Variants in IPO8 observed in about 807,000 individuals in gnomAD.
IPO8 encodes the protein importin 8.
IPO8 carries 65 observed loss-of-function variants against 141.2 expected under a neutral mutation model. The ratio of observed to expected loss-of-function variants is 0.46; its 90% CI spans 0.38 to 0.57. IPO8 has a LOEUF of 0.57. Ranked by LOEUF, IPO8 falls within the 20% of genes least tolerant of loss-of-function variation. The pLI is 0.00. For missense variants in IPO8, 980 were observed against 1,246.8 expected (o/e 0.79, Z 3.22); for synonymous variants, 411 against 420.3 (o/e 0.98, Z 0.27).
chr12:30,641,493 C>CTTTTTTTTTTTTTTTTT (rs58656525), intron 20 of IPO8, among the ~76,000 whole-genome samples: 2 of 135,050 alleles, frequency 1.5e-5, no homozygotes, highest in Non-Finnish European at 3.2e-5. Context: ...TAAGCTATTT[C>CTTTTTTTTTTTTTTTTT]TTTTTTTTTT....
Position 30,695,176 on chromosome 12 carries a change from G to A in IPO8, c.84+388C>T, listed in dbSNP as rs2053326326. 1 of 384,716 alleles carries A rather than the reference G, an allele frequency of 2.6e-6. No individual in the cohort carries two copies. The highest frequency in any genetic ancestry group is 2.1e-5 in the South Asian group (1 of 48,618). 23.8% of individuals were successfully genotyped at this position (384,716 alleles called of 1,614,324 possible). The stretch of plus-strand genomic sequence containing the variant: ...AAAGGGCTGGGTTTGGAAAAAAGCT[G>A]AACTCAGATTTGAACTGTAAGTAAA... On this transcript the variant is annotated intron_variant, in intron 1 of 24. Transcript: ENST00000256079. The surrounding 1 kb of genome is among the most constrained non-coding windows in gnomAD (Gnocchi z 4.2).
intron 10 of IPO8, among the ~76,000 whole-genome samples, chr12:30,666,598 C>T (rs894766618): frequency 1.8e-4 from 28 of 152,106 alleles, no homozygotes; most frequent in Non-Finnish European, 3.5e-4. Context: ...CCATTCTAGA[C>T]CCCGGGGATA....
At chr12:30,681,022 A>G (rs777453400) in intron 4 of IPO8, among the ~76,000 whole-genome samples, 5 of 152,162 alleles carry the variant, frequency 3.3e-5, no homozygotes, top group Non-Finnish European at 7.4e-5. Context: ...TTTTCTTATT[A>G]TATTTCTCCC....
Position 30,639,503 on chromosome 12 carries a change from A to G in IPO8, c.2489+12T>C. On this transcript the variant is annotated intron_variant, in intron 21 of 24. Transcript: ENST00000256079. ...AAACAGAAAAGCAGTGTAAAATCCA[A>G]AAGACACATACCCAAGAAAACAATC... The G allele has an allele frequency of 6.3e-7, 1 of 1,581,768 alleles. No homozygotes were observed. The highest frequency in any genetic ancestry group is 8.7e-7 in the Non-Finnish European group (1 of 1,150,748).
intron 21 of IPO8, among the ~76,000 whole-genome samples, chr12:30,637,481 T>C (rs949926770): frequency 6.6e-6 from 1 of 152,188 alleles, no homozygotes; most frequent in African/African-American, 2.4e-5. Flanking sequence ...GGAGTTTTAA[T>C]AAAGCAGAAA....
chr12:30,662,236 T>C lies in IPO8; in HGVS notation c.1755+91A>G, dbSNP rs748834589. 1.5e-5 allele frequency: 15 copies of C among 984,476 alleles called. No individual in the cohort carries two copies. In the South Asian group the frequency reaches 2.3e-4, roughly 15 times the overall value. The allele number at this position is 984,476 out of a possible 1,614,324, so 61.0% of individuals were successfully genotyped here. A position where few individuals can be genotyped will look rare whatever the true frequency, so the allele number is the denominator to read the frequency against. ...GAAATGTTGTTAAGCAGCACATGAC[T>C]GTACAAATAAAACTGAACTCCATAT... On this transcript the variant is annotated intron_variant, in intron 15 of 24. Coordinates refer to ENST00000256079, the MANE Select transcript of IPO8 (RefSeq NM_006390.4).
chr12:30,639,349 C>A (rs1246541505), intron 21 of IPO8, among the ~76,000 whole-genome samples, 166 bp downstream of exon 21: 1 of 152,136 alleles, frequency 6.6e-6, no homozygotes, highest in Non-Finnish European at 1.5e-5. Flanking sequence ...CACTAGATTA[C>A]CCTGCTGAAA....
Position 30,695,470 on chromosome 12 carries a change from G to C in IPO8, c.84+94C>G. On this transcript the variant is annotated intron_variant, in intron 1 of 24. Transcript: ENST00000256079. This position sits in a 1 kb window ranked among gnomAD's most constrained non-coding sequence, Gnocchi z 4.2. ...TGAGGCGTCAGCCCCAGCCCGGTGGGGGTGAGGACGAGGGGCGCCGGGGAG... is the reference window on the plus strand; with the variant it reads ...TGAGGCGTCAGCCCCAGCCCGGTGGCGGTGAGGACGAGGGGCGCCGGGGAG... The C allele has an allele frequency of 1.8e-6, 2 of 1,104,060 alleles. No individual in the cohort carries two copies. Among genetic ancestry groups the C allele is most frequent in the Non-Finnish European group, 1.4e-6 (1 of 736,660 alleles). 68.4% of individuals were successfully genotyped at this position (1,104,060 alleles called of 1,614,324 possible).
chr12:30,688,537 T>A (rs546289261), intron 2 of IPO8: 1 of 273,556 alleles, frequency 3.7e-6, no homozygotes, highest in African/African-American at 2.3e-5. Context: ...ATGCTAAAGA[T>A]AAATTATCTT....
intron 23 of IPO8, 117 bp from the exon 24 acceptor site, chr12:30,632,128 C>T (rs2052441471): frequency 3.0e-6 from 2 of 663,426 alleles, no homozygotes; most frequent in Non-Finnish European, 5.3e-6. Flanking sequence ...ACAAAGAGTA[C>T]AGTACTACAA....
At chr12:30,646,932 A>G (rs946680917) in intron 20 of IPO8, among the ~76,000 whole-genome samples, 2 of 152,222 alleles carry the variant, frequency 1.3e-5, no homozygotes, top group African/African-American at 4.8e-5. Flanking sequence ...TCACAATCCC[A>G]GCTGGCTAAT....
intron 20 of IPO8, among the ~76,000 whole-genome samples, chr12:30,645,456 T>C (rs914276781): frequency 1.3e-5 from 2 of 149,102 alleles, no homozygotes; most frequent in African/African-American, 2.5e-5. Flanking sequence ...AAATCAATAA[T>C]CTAACCTGTT....
At chr12:30,634,388 G>GA (rs1198534519) in intron 22 of IPO8, 102 bp from the exon 23 acceptor site, 6 of 841,594 alleles carry the variant, frequency 7.1e-6, no homozygotes, top group Non-Finnish European at 1.1e-5. Flanking sequence ...CTCTGGAAAG[G>GA]AAAAAATCTT....
chr12:30,662,530 C>T, intron 14 of IPO8, 43 bp from the exon 15 acceptor site: 1 of 1,484,776 alleles, frequency 6.7e-7, no homozygotes, highest in Non-Finnish European at 9.3e-7. Context: ...ATTACCATGC[C>T]CAGATGATAA....
rs531740285 is a variant in IPO8, at chr12:30,676,646, T to C, written c.640-59A>G. On this transcript the variant is annotated intron_variant, in intron 5 of 24. Transcript: ENST00000256079. Reference sequence around the variant, plus strand: ...CCTCCCATCCAAAAAAATCAGCAATTTTATCTATATTGTAAGGCTAAAATA... The same window carrying C: ...CCTCCCATCCAAAAAAATCAGCAATCTTATCTATATTGTAAGGCTAAAATA... The C allele has an allele frequency of 4.1e-4, 494 of 1,205,518 alleles. 3 individuals carry two copies. In the South Asian group the frequency reaches 5.7e-3, roughly 14 times the overall value. 74.7% of individuals were successfully genotyped at this position (1,205,518 alleles called of 1,614,324 possible). A position where few individuals can be genotyped will look rare whatever the true frequency, so the allele number is the denominator to read the frequency against.
chr12:30,662,975 G>A (rs1264071614), intron 14 of IPO8, among the ~76,000 whole-genome samples: 1 of 152,048 alleles, frequency 6.6e-6, no homozygotes, highest in Non-Finnish European at 1.5e-5. Flanking sequence ...CTACGTTCAC[G>A]TTCTTCATAA....
In IPO8 at chr12:30,685,274, G is replaced by A. The variant is rs61923723; in HGVS notation, c.167-817C>T. Among the ~76,000 whole-genome samples the A allele has an allele frequency of 8.6e-3, 1,301 of 151,756 alleles. 9 individuals are homozygous for A. The highest frequency in any genetic ancestry group is 0.015 in the South Asian group (73 of 4,814). On this transcript the variant is annotated intron_variant, in intron 2 of 24. Transcript: ENST00000256079. The stretch of plus-strand genomic sequence containing the variant: ...CCTGCCTCAGCCTCCCAAATACCTG[G>A]GATTACAGGCATGTGCCACCACACC...
chr12:30,645,372 CAAAA>C (rs776070329), intron 20 of IPO8, among the ~76,000 whole-genome samples: 3 of 99,136 alleles, frequency 3.0e-5, no homozygotes, highest in Non-Finnish European at 4.3e-5. Context: ...GACTTCATCT[CAAAA>C]AAAAAAAAAA....
intron 6 of IPO8, among the ~76,000 whole-genome samples, chr12:30,676,237 C>G (rs886674646): frequency 6.6e-6 from 1 of 151,966 alleles, no homozygotes; most frequent in Non-Finnish European, 1.5e-5. Flanking sequence ...ACGTATACTA[C>G]TTTTATAAAT....
Sources: gnomAD v4.1 joint callset for allele counts (sites outside exome capture counted in the v4.1 genomes callset) on GRCh38, gnomAD v4.1.1 for gene constraint, Gnocchi (gnomAD v3.1) non-coding constraint, MANE v1.5 for transcripts, NCBI Gene and HGNC (gene_info 2026-07-23, HGNC 2026-07-21) for gene names.